Variants in PIP5K1B observed in about 807,000 individuals in gnomAD.
PIP5K1B encodes phosphatidylinositol-4-phosphate 5-kinase type 1 beta, also known as phosphatidylinositol 4-phosphate 5-kinase type-1 beta.
Under a neutral mutation model 67.0 loss-of-function variants are expected in PIP5K1B, and 42 were observed. The ratio of observed to expected loss-of-function variants is 0.63; its 90% confidence interval spans 0.49 to 0.81. The LOEUF is 0.81. PIP5K1B is among the 30% of genes least tolerant of loss of function. The pLI is 0.00. For missense variants in PIP5K1B, 459 were observed against 646.3 expected (o/e 0.71, Z 3.14); for synonymous variants, 214 against 231.4 (o/e 0.92, Z 0.68).
At chr9:68,849,522 T>C (rs1037288277) in intron 4 of PIP5K1B, among the ~76,000 whole-genome samples, 9 of 152,222 alleles carry the variant, frequency 5.9e-5, no homozygotes, top group African/African-American at 2.2e-4. Flanking sequence ...AGAGCCACCA[T>C]ACCCAGCTAA....
chr9:68,869,587 T>G (rs1823529978), intron 5 of PIP5K1B, among the ~76,000 whole-genome samples: 1 of 152,238 alleles, frequency 6.6e-6, no homozygotes, highest in Non-Finnish European at 1.5e-5. Flanking sequence ...TTACAAATTG[T>G]CTGCGGCTGC....
intron 1 of PIP5K1B, among the ~76,000 whole-genome samples, chr9:68,720,638 G>A (rs1827840195): frequency 6.6e-6 from 1 of 151,262 alleles, no homozygotes; most frequent in Non-Finnish European, 1.5e-5. Context: ...CTCTTACCTG[G>A]GCTGGTGTAG....
chr9:68,879,251 G>C (rs760369683), intron 6 of PIP5K1B, among the ~76,000 whole-genome samples: 7 of 152,152 alleles, frequency 4.6e-5, no homozygotes, highest in Non-Finnish European at 8.8e-5. Context: ...TAGTATCTGA[G>C]GAGTTGGTCA....
chr9:68,898,038 C>T (rs1301269070), intron 8 of PIP5K1B, among the ~76,000 whole-genome samples: 1 of 152,156 alleles, frequency 6.6e-6, no homozygotes, highest in African/African-American at 2.4e-5. Context: ...CTCCTGGCAT[C>T]CTTGTGGCAG....
intron 7 of PIP5K1B, 24 bp downstream of exon 7, chr9:68,889,157 G>GC (rs1824639520): frequency 2.6e-6 from 4 of 1,561,050 alleles, no homozygotes; most frequent in Non-Finnish European, 3.5e-6. Flanking sequence ...CATCATTAAT[G>GC]CTTCTACTTG....
intron 1 of PIP5K1B, among the ~76,000 whole-genome samples, chr9:68,730,359 G>A (rs140154345): frequency 6.6e-6 from 1 of 152,284 alleles, no homozygotes; most frequent in Non-Finnish European, 1.5e-5. Flanking sequence ...GAAATGGGAT[G>A]CCAATGAGGG....
intron 12 of PIP5K1B, among the ~76,000 whole-genome samples, chr9:68,929,745 C>T (rs1196907239): frequency 3.9e-5 from 6 of 152,340 alleles, no homozygotes; most frequent in African/African-American, 1.4e-4. Context: ...TCTCAGCTCA[C>T]TGCAACCTCT....
At chr9:68,792,446 G>T (rs1221415844) in intron 2 of PIP5K1B, among the ~76,000 whole-genome samples, 1 of 140,756 alleles carries the variant, frequency 7.1e-6, no homozygotes, top group African/African-American at 2.7e-5. Flanking sequence ...ATTTACTGTG[G>T]CACATGTGTT....
intron 1 of PIP5K1B, chr9:68,742,285 T>C (rs1829048633): frequency 6.6e-6 from 1 of 152,240 alleles, no homozygotes; most frequent in African/African-American, 2.4e-5. Flanking sequence ...CAGCTGAGTT[T>C]TGGATCTCAG....
chr9:68,876,852 C>G (rs1823923400), intron 6 of PIP5K1B, 58 bp downstream of exon 6: 3 of 871,180 alleles, frequency 3.4e-6, no homozygotes. Flanking sequence ...ACATTTGTCT[C>G]ATAGCAACAG....
intron 5 of PIP5K1B, among the ~76,000 whole-genome samples, chr9:68,867,124 A>T (rs1376166480): frequency 6.7e-6 from 1 of 149,454 alleles, no homozygotes; most frequent in Non-Finnish European, 1.5e-5. Flanking sequence ...ACCCCATGAA[A>T]ATAAAAGTCT....
chr9:68,751,021 G>T (rs1467124958), intron 2 of PIP5K1B, among the ~76,000 whole-genome samples: 3 of 152,132 alleles, frequency 2.0e-5, no homozygotes, highest in Admixed American at 1.3e-4. Context: ...TGTGGCTTTG[G>T]TTTATCCCAG....
intron 11 of PIP5K1B, among the ~76,000 whole-genome samples, chr9:68,920,710 A>G (rs945318066): frequency 6.6e-6 from 1 of 151,810 alleles, no homozygotes; most frequent in Non-Finnish European, 1.5e-5. Flanking sequence ...AAATCAGTTA[A>G]CAAAGAGCAG....
intron 12 of PIP5K1B, among the ~76,000 whole-genome samples, chr9:68,927,283 T>C (rs1564241691): frequency 6.6e-6 from 1 of 152,240 alleles, no homozygotes; most frequent in Non-Finnish European, 1.5e-5. Flanking sequence ...TCTGAATATG[T>C]ACCTAGAAGT....
chr9:68,867,458 C>G (rs755110120), intron 5 of PIP5K1B, among the ~76,000 whole-genome samples: 1 of 152,204 alleles, frequency 6.6e-6, no homozygotes, highest in Admixed American at 6.5e-5. Context: ...AGGGATTTGG[C>G]CCAGTGTTTC....
intron 4 of PIP5K1B, among the ~76,000 whole-genome samples, chr9:68,849,877 A>G (rs773693815): frequency 2.5e-4 from 38 of 152,326 alleles, no homozygotes; most frequent in Non-Finnish European, 4.4e-4. Flanking sequence ...AAATTGAGCA[A>G]TGGTATCTTT....
intron 5 of PIP5K1B, among the ~76,000 whole-genome samples, chr9:68,871,621 G>A (rs1039788665): frequency 6.6e-6 from 1 of 152,186 alleles, no homozygotes; most frequent in African/African-American, 2.4e-5. Context: ...GTGAATAAGT[G>A]GGGAAGAGGA....
intron 2 of PIP5K1B, among the ~76,000 whole-genome samples, chr9:68,786,528 C>T (rs1831626443): frequency 6.6e-6 from 1 of 151,820 alleles, no homozygotes; most frequent in Admixed American, 6.6e-5. Flanking sequence ...CTAACTTTAG[C>T]AACTTGCTTT....
At chr9:68,791,340 A>G (rs536155312) in intron 2 of PIP5K1B, among the ~76,000 whole-genome samples, 1 of 152,332 alleles carries the variant, frequency 6.6e-6, no homozygotes, top group Non-Finnish European at 1.5e-5. Flanking sequence ...GAAGGAAAAT[A>G]TGAGATATTT....
Sources: gnomAD v4.1 joint callset for allele counts (sites outside exome capture counted in the v4.1 genomes callset) on GRCh38, gnomAD v4.1.1 for gene constraint, MANE v1.5 for transcripts, NCBI Gene and HGNC (gene_info 2026-07-23, HGNC 2026-07-21) for gene names.